The following PTPRM variants were observed in gnomAD, a reference collection of about 807,000 sequenced individuals.
The protein encoded by PTPRM is receptor-type tyrosine-protein phosphatase mu.
Under a neutral mutation model 186.7 loss-of-function variants are expected in PTPRM, and 47 were observed. That is an observed-to-expected ratio of 0.25 (90% confidence interval 0.20 to 0.32). PTPRM has a LOEUF of 0.32. Among genes scored for constraint, PTPRM ranks in the 10% least tolerant of loss-of-function variants. The pLI, the probability that PTPRM is intolerant of heterozygous loss-of-function variation, is 1.00. For synonymous variants in PTPRM, 668 were observed against 674.9 expected (o/e 0.99, Z 0.16); for missense variants, 1,494 against 1,865.0 (o/e 0.80, Z 3.66).
At chr18:7,789,207 T>A (rs2043224307) in intron 2 of PTPRM, among the ~76,000 whole-genome samples, 1 of 151,932 alleles carries the variant, frequency 6.6e-6, no homozygotes, top group Non-Finnish European at 1.5e-5. Context: ...TGTCTGTAGT[T>A]CCAGCTGCTT....
rs546261373 is a variant in PTPRM, at chr18:7,610,273, G to A, written c.73+42382G>A. 4.6e-5 allele frequency among the ~76,000 whole-genome samples: 7 copies of A among 152,290 alleles called. 1 individual carries two copies. The highest frequency in any genetic ancestry group is 1.7e-4 in the African/African-American group (7 of 41,558). ...GTGAGGTTCTCAGACTTGGGTTCCT[G>A]TGATTATTCTCAGCCAACATGAATT... is the stretch of plus-strand genomic sequence containing the variant. On this transcript the variant is annotated intron_variant, in intron 1 of 32. Coordinates refer to ENST00000580170, the MANE Select transcript of PTPRM (RefSeq NM_001105244.2).
chr18:8,082,758 A>G (rs1251495265), intron 9 of PTPRM, among the ~76,000 whole-genome samples: 1 of 151,354 alleles, frequency 6.6e-6, no homozygotes, highest in Admixed American at 6.6e-5. Flanking sequence ...CTCAATGTTC[A>G]TCACCCCCAG....
At chr18:8,188,818 C>T (rs1225655798) in intron 14 of PTPRM, among the ~76,000 whole-genome samples, 2 of 152,112 alleles carry the variant, frequency 1.3e-5, no homozygotes, top group African/African-American at 4.8e-5. Flanking sequence ...CAGACTCCAC[C>T]CCAGACCTAA....
chr18:7,643,668 C>A (rs1568001200), intron 1 of PTPRM, among the ~76,000 whole-genome samples: 2 of 151,998 alleles, frequency 1.3e-5, no homozygotes, highest in South Asian at 2.1e-4. Context: ...ATGTGAATTT[C>A]TTCTCTATTT....
intron 14 of PTPRM, among the ~76,000 whole-genome samples, chr18:8,168,654 A>G (rs751418832): frequency 1.6e-4 from 25 of 152,222 alleles, no homozygotes; most frequent in Non-Finnish European, 3.1e-4. Context: ...GTGTTACTAG[A>G]GGAGAAAAGA....
At chr18:7,685,955 A>G (rs976203151) in intron 1 of PTPRM, among the ~76,000 whole-genome samples, 4 of 152,190 alleles carry the variant, frequency 2.6e-5, no homozygotes, top group Non-Finnish European at 5.9e-5. Context: ...GGAATTTATT[A>G]TAAGGACATG....
Position 8,289,575 on chromosome 18 carries a change from T to TACAC in PTPRM, c.2755-6790_2755-6789insCACA, listed in dbSNP as rs1207172447. ...ACATATATATACACATATATATATA[T>TACAC]ACATATATATATACACATATATATA... On this transcript the variant is annotated intron_variant, in intron 19 of 32. Coordinates refer to ENST00000580170, the MANE Select transcript of PTPRM (RefSeq NM_001105244.2). 4.6e-5 allele frequency among the ~76,000 whole-genome samples: 5 copies of TACAC among 109,210 alleles called. 1 individual carries two copies. In the South Asian group the frequency reaches 1.3e-3, roughly 27 times the overall value. 71.6% of individuals were successfully genotyped at this position (109,210 alleles called of 152,430 possible).
chr18:8,340,069 C>A (rs2095465494), intron 22 of PTPRM, among the ~76,000 whole-genome samples: 1 of 152,128 alleles, frequency 6.6e-6, no homozygotes, highest in Admixed American at 6.5e-5. Flanking sequence ...CAGTGCCCAC[C>A]CCTGAGCAAT....
chr18:8,391,845 G>A (rs2095814904), intron 31 of PTPRM, among the ~76,000 whole-genome samples: 1 of 152,178 alleles, frequency 6.6e-6, no homozygotes. Context: ...GATATTTTTG[G>A]CTTGCTTCCT....
chr18:8,173,872 C>T (rs796945410), intron 14 of PTPRM, among the ~76,000 whole-genome samples: 8 of 152,244 alleles, frequency 5.3e-5, no homozygotes, highest in African/African-American at 1.9e-4. Context: ...AGTTCAAGAC[C>T]AGCCTGGCCA....
At chr18:8,225,064 C>T (rs2094197521) in intron 14 of PTPRM, among the ~76,000 whole-genome samples, 1 of 152,128 alleles carries the variant, frequency 6.6e-6, no homozygotes, top group Non-Finnish European at 1.5e-5. Context: ...TTGCCTGATA[C>T]ATTATTTTAT....
chr18:7,698,199 G>A (rs2039885139), intron 1 of PTPRM, among the ~76,000 whole-genome samples: 1 of 152,176 alleles, frequency 6.6e-6, no homozygotes, highest in South Asian at 2.1e-4. Flanking sequence ...CCCTAGCCCT[G>A]TACTGATACT....
chr18:7,888,063 G>T lies in PTPRM; in HGVS notation c.197-43G>T, dbSNP rs375181423. The T allele has an allele frequency of 2.5e-6, 4 of 1,612,690 alleles. No homozygotes were observed. In the African/African-American group the frequency reaches 5.3e-5, roughly 22 times the overall value. ...GTGGGTTTTCAGAGATAACCAGAAA[G>T]TAGTGTTTCAGGGTATGACTCTCCT... On this transcript the variant is annotated intron_variant, in intron 2 of 32. Coordinates refer to ENST00000580170, the MANE Select transcript of PTPRM (RefSeq NM_001105244.2).
chr18:7,957,556 T>A (rs971202078), intron 7 of PTPRM, among the ~76,000 whole-genome samples: 5 of 152,106 alleles, frequency 3.3e-5, no homozygotes, highest in African/African-American at 9.7e-5. Flanking sequence ...TGTGCTGGCA[T>A]GGAGTCACCC....
intron 1 of PTPRM, among the ~76,000 whole-genome samples, chr18:7,569,075 G>A (rs2036508326): frequency 6.6e-6 from 1 of 152,194 alleles, no homozygotes; most frequent in African/African-American, 2.4e-5. Context: ...AGTTGAATGA[G>A]TAAGTTGGGC....
At chr18:8,065,766 A>T (rs1278614366) in intron 7 of PTPRM, among the ~76,000 whole-genome samples, 2 of 152,156 alleles carry the variant, frequency 1.3e-5, no homozygotes, top group Non-Finnish European at 2.9e-5. Context: ...ACTGTAAGAG[A>T]TCTATATTGT....
chr18:7,590,271 T>C (rs533521241), intron 1 of PTPRM, among the ~76,000 whole-genome samples: 8 of 152,324 alleles, frequency 5.3e-5, no homozygotes, highest in South Asian at 4.1e-4. Context: ...TCTTTGTATA[T>C]AAGGATATTT....
chr18:8,187,049 C>A (rs1261449359), intron 14 of PTPRM, among the ~76,000 whole-genome samples: 1 of 151,822 alleles, frequency 6.6e-6, no homozygotes, highest in Non-Finnish European at 1.5e-5. Context: ...CAGCAATTCT[C>A]GTCTGTCAGC....
intron 7 of PTPRM, among the ~76,000 whole-genome samples, chr18:8,034,789 C>T (rs377190541): frequency 6.6e-6 from 1 of 152,132 alleles, no homozygotes; most frequent in Non-Finnish European, 1.5e-5. Flanking sequence ...TGTAGAATTC[C>T]GGAAGTCTAA....
Sources: allele counts gnomAD v4.1 joint callset (sites outside exome capture counted in the v4.1 genomes callset), GRCh38; gene constraint gnomAD v4.1.1; transcripts MANE v1.5; gene names NCBI Gene and HGNC (gene_info 2026-07-23, HGNC 2026-07-21).